CMIP: variants seen among roughly 807,000 people sequenced by gnomAD.
CMIP encodes the protein C-Maf-inducing protein.
Under a neutral mutation model 97.3 loss-of-function variants are expected in CMIP, and 13 were observed. The ratio of observed to expected loss-of-function variants is 0.13; its 90% CI spans 0.09 to 0.21. The LOEUF (loss-of-function observed/expected upper bound fraction) is 0.21, where lower values mean the gene tolerates loss of function less well. CMIP is among the 10% of genes least tolerant of loss of function. The pLI is 1.00. For synonymous variants in CMIP, 538 were observed against 436.3 expected, an observed-to-expected ratio of 1.23 and a Z score of -2.91; for missense variants, 847 against 1,024.9, an observed-to-expected ratio of 0.83 and a Z score of 2.37.
chr16:81,696,414 T>C, intron 13 of CMIP, 146 bp from the exon 14 acceptor site: 2 of 759,700 alleles, frequency 2.6e-6, no homozygotes, highest in Non-Finnish European at 4.4e-6. Flanking sequence ...GGTGGAAGGC[T>C]GGGGGTTGCT....
chr16:81,549,801 C>T (rs1346736334), intron 1 of CMIP, among the ~76,000 whole-genome samples: 2 of 152,196 alleles, frequency 1.3e-5, no homozygotes, highest in African/African-American at 2.4e-5. Context: ...GGCAACTGCG[C>T]GTTCTCTTCC....
chr16:81,653,884 G>T (rs932115369), intron 4 of CMIP, among the ~76,000 whole-genome samples: 13 of 152,172 alleles, frequency 8.5e-5, no homozygotes, highest in African/African-American at 2.9e-4. Flanking sequence ...AAGTGAGACA[G>T]CCTCTCTTTT....
chr16:81,687,821 G>A (rs1905580862), intron 10 of CMIP, among the ~76,000 whole-genome samples: 1 of 152,164 alleles, frequency 6.6e-6, no homozygotes. Flanking sequence ...TAGGTGGTCG[G>A]GAAGCAGCCT....
At chr16:81,572,880 C>G (rs546192892) in intron 1 of CMIP, among the ~76,000 whole-genome samples, 4 of 152,326 alleles carry the variant, frequency 2.6e-5, no homozygotes, top group Middle Eastern at 3.4e-3. Flanking sequence ...GTCCTGCCTC[C>G]CAGGAACCCC....
In CMIP at chr16:81,699,702, C is replaced by G. The variant is rs559974218; in HGVS notation, c.1656C>G (p.Gly552=). 1 of 1,613,014 alleles carries G rather than the reference C, an allele frequency of 6.2e-7. No homozygotes were observed. Among genetic ancestry groups the G allele is most frequent in the South Asian group, 1.1e-5 (1 of 90,994 alleles). ...CCTCACAGGTGCACATCCTCATGGG[C>G]TCCTGTTACAAGACCAAAAAATTCC... The part of the protein sequence containing the change: ...LFASMVHILM[G]SCYKTKKFLL... The change falls in exon 15 of 21, where the codon GGC becomes GGG. Residue 552 remains glycine (G), a synonymous_variant. Coordinates refer to ENST00000537098, the MANE Select transcript of CMIP (RefSeq NM_198390.3).
chr16:81,557,708 A>G (rs2911280), intron 1 of CMIP, among the ~76,000 whole-genome samples: 125,800 of 152,148 alleles, frequency 0.83, 53,231 homozygotes, highest in Non-Finnish European at 0.92. Flanking sequence ...CAAGGCTACA[A>G]TGAGCTATGA....
intron 20 of CMIP, among the ~76,000 whole-genome samples, chr16:81,707,530 A>G (rs542435953): frequency 6.6e-6 from 1 of 152,362 alleles, no homozygotes; most frequent in East Asian, 1.9e-4. Flanking sequence ...TTTTCAAAGC[A>G]TGCTCTGGCT....
At chr16:81,558,713 C>G (rs1484980391) in intron 1 of CMIP, among the ~76,000 whole-genome samples, 1 of 152,162 alleles carries the variant, frequency 6.6e-6, no homozygotes, top group African/African-American at 2.4e-5. Flanking sequence ...AACACAGCTG[C>G]GGCAGCTGTG....
chr16:81,604,396 CAAA>C (rs886259734), intron 1 of CMIP, among the ~76,000 whole-genome samples: 4 of 58,662 alleles, frequency 6.8e-5, no homozygotes, highest in Non-Finnish European at 7.2e-5. Flanking sequence ...AACTCTGTCT[CAAA>C]AAAAAAAAAA....
intron 1 of CMIP, among the ~76,000 whole-genome samples, chr16:81,511,815 A>G (rs1019249549): frequency 7.9e-5 from 12 of 151,750 alleles, no homozygotes; most frequent in African/African-American, 2.7e-4. Context: ...GCCCACCTCT[A>G]CCTCTCAAAG....
intron 11 of CMIP, 73 bp downstream of exon 11, chr16:81,691,913 G>C (rs533082539): frequency 1.1e-5 from 14 of 1,307,236 alleles, no homozygotes; most frequent in East Asian, 2.3e-5. Flanking sequence ...AGGCCTTAGT[G>C]GGGGGCCAGT....
intron 1 of CMIP, among the ~76,000 whole-genome samples, chr16:81,455,094 A>G (rs1173366754): frequency 6.6e-6 from 1 of 152,222 alleles, no homozygotes; most frequent in African/African-American, 2.4e-5. Context: ...GGGTAAACCC[A>G]TGCACCCTGG....
In CMIP at chr16:81,614,978, CGT is replaced by C. The variant is rs1366298715; in HGVS notation, c.427-5888_427-5887del. Among the ~76,000 whole-genome samples, 15 of 135,638 alleles carry C rather than the reference CGT, an allele frequency of 1.1e-4. No individual in the cohort carries two copies. Among genetic ancestry groups the C allele is most frequent in the Admixed American group, 1.0e-3 (14 of 13,600 alleles). The allele number at this position is 135,638 out of a possible 152,430, so 89.0% of individuals were successfully genotyped here. A position where few individuals can be genotyped will look rare whatever the true frequency, so the allele number is the denominator to read the frequency against. ...GTGTGGTGTGTTGTGTGATATGTGA[CGT>C]GTGTGTGTGGTGTATGTGTCTATAT... On this transcript the variant is annotated intron_variant, in intron 2 of 20. Transcript: ENST00000537098. This position sits in a 1 kb window ranked among gnomAD's most constrained non-coding sequence, Gnocchi z 5.3.
rs113368636 is a variant in CMIP, at chr16:81,603,372, G to T, written c.301-4195G>T. ...GCTGGGATTACAGGCGTGAGCCACC[G>T]CGCCCGGCCTTGTTTTTGTTTTTAA... On this transcript the variant is annotated intron_variant, in intron 1 of 20. Coordinates refer to ENST00000537098, the MANE Select transcript of CMIP (RefSeq NM_198390.3). The T allele has an allele frequency of 1.6e-4, 74 of 454,216 alleles. 1 individual carries two copies. The highest frequency in any genetic ancestry group is 1.3e-3 in the African/African-American group (66 of 50,080). 28.1% of individuals were successfully genotyped at this position (454,216 alleles called of 1,614,324 possible). A position where few individuals can be genotyped will look rare whatever the true frequency, so the allele number is the denominator to read the frequency against.
At chr16:81,705,722 T>C in intron 19 of CMIP, 118 bp downstream of exon 19, 1 of 646,120 alleles carries the variant, frequency 1.5e-6, no homozygotes. Context: ...AATTCGTTCA[T>C]TCACAAACGT....
At chr16:81,561,934 G>C (rs1435872379) in intron 1 of CMIP, among the ~76,000 whole-genome samples, 1 of 152,184 alleles carries the variant, frequency 6.6e-6, no homozygotes, top group Non-Finnish European at 1.5e-5. Context: ...TGGGAGTTGG[G>C]ATACCTGCTG....
intron 1 of CMIP, among the ~76,000 whole-genome samples, chr16:81,576,543 A>G (rs141798970): frequency 3.3e-4 from 50 of 152,304 alleles, no homozygotes; most frequent in African/African-American, 1.0e-3. Flanking sequence ...TGTCCATTTT[A>G]CAATGAGGAG....
chr16:81,619,287 G>T (rs899425956), intron 2 of CMIP: 2 of 152,232 alleles, frequency 1.3e-5, no homozygotes, highest in Non-Finnish European at 2.9e-5. Context: ...ACTCACCAGA[G>T]CCTGAGTCCT....
intron 1 of CMIP, among the ~76,000 whole-genome samples, chr16:81,532,927 C>T (rs1463053480): frequency 1.3e-5 from 2 of 152,154 alleles, no homozygotes; most frequent in Non-Finnish European, 2.9e-5. Context: ...CTTGGACACG[C>T]CAAGCCTGCT....
Sources: gnomAD v4.1 joint callset for allele counts (sites outside exome capture counted in the v4.1 genomes callset) on GRCh38, gnomAD v4.1.1 for gene constraint, Gnocchi (gnomAD v3.1) non-coding constraint, MANE v1.5 for transcripts, NCBI Gene and HGNC (gene_info 2026-07-23, HGNC 2026-07-21) for gene names.